RELN: variants seen among roughly 807,000 people sequenced by gnomAD.
RELN encodes the protein reelin.
A neutral mutation model predicts 427.6 loss-of-function variants in RELN; 108 were observed. That is an observed-to-expected ratio of 0.25 (90% CI 0.22 to 0.30). RELN has a LOEUF of 0.30. Among genes scored for constraint, RELN ranks in the 10% least tolerant of loss-of-function variants. RELN has a pLI of 1.00. For synonymous variants in RELN, 1,524 were observed against 1,513.4 expected (o/e 1.01, Z -0.16); for missense variants, 3,715 against 4,302.8 (o/e 0.86, Z 3.82).
At chr7:103,629,526 T>G (rs563000838) in intron 20 of RELN, among the ~76,000 whole-genome samples, 1 of 152,316 alleles carries the variant, frequency 6.6e-6, no homozygotes, top group East Asian at 1.9e-4. Flanking sequence ...ATGATAAATT[T>G]TATTAAAATA....
At chr7:103,870,019 A>G (rs1794291959) in intron 2 of RELN, among the ~76,000 whole-genome samples, 1 of 152,090 alleles carries the variant, frequency 6.6e-6, no homozygotes, top group African/African-American at 2.4e-5. Flanking sequence ...ATGTGCTTTT[A>G]AGATCATCCA....
intron 1 of RELN, among the ~76,000 whole-genome samples, chr7:103,954,343 A>T (rs1484504537): frequency 6.6e-6 from 1 of 152,206 alleles, no homozygotes; most frequent in African/African-American, 2.4e-5. Context: ...TACAGTTGCC[A>T]AGTATGCTAT....
intron 2 of RELN, among the ~76,000 whole-genome samples, chr7:103,894,507 A>G (rs1244939538): frequency 6.6e-6 from 1 of 152,172 alleles, no homozygotes; most frequent in Non-Finnish European, 1.5e-5. Flanking sequence ...GCTATTTTTT[A>G]CTAAAACTGT....
intron 57 of RELN, 37 bp downstream of exon 57, chr7:103,495,686 A>G (rs753646888): frequency 8.1e-6 from 13 of 1,603,718 alleles, no homozygotes; most frequent in Admixed American, 5.0e-5. Context: ...CCCAAATGCA[A>G]TGCTACTTTC....
intron 2 of RELN, among the ~76,000 whole-genome samples, chr7:103,877,436 C>T (rs1005163266): frequency 1.3e-5 from 2 of 152,144 alleles, no homozygotes; most frequent in African/African-American, 2.4e-5. Flanking sequence ...TCTCCTTCAA[C>T]TCCAGCTTCC....
chr7:103,506,755 C>A (rs1167100923), intron 51 of RELN, among the ~76,000 whole-genome samples: 1 of 152,148 alleles, frequency 6.6e-6, no homozygotes, highest in Admixed American at 6.5e-5. Context: ...AATTAAAAGA[C>A]ACAGACTAGC....
chr7:103,513,622 A>G (rs1248450498), intron 50 of RELN: 1 of 152,136 alleles, frequency 6.6e-6, no homozygotes, highest in Non-Finnish European at 1.5e-5. Flanking sequence ...CAAAGTAAAT[A>G]TTTGCTGTTA....
At chr7:103,956,970 A>G (rs1360006371) in intron 1 of RELN, among the ~76,000 whole-genome samples, 4 of 152,174 alleles carry the variant, frequency 2.6e-5, no homozygotes, top group Non-Finnish European at 4.4e-5. Flanking sequence ...AACACTTCAT[A>G]TATGGAACTG....
intron 10 of RELN, among the ~76,000 whole-genome samples, chr7:103,693,452 T>C (rs948232624): frequency 6.6e-6 from 1 of 151,724 alleles, no homozygotes; most frequent in African/African-American, 2.4e-5. Flanking sequence ...CCATGGCACA[T>C]GTATACTTAT....
At chr7:103,787,716 CA>C (rs1462952836) in intron 3 of RELN, among the ~76,000 whole-genome samples, 1 of 152,138 alleles carries the variant, frequency 6.6e-6, no homozygotes, top group African/African-American at 2.4e-5. Context: ...AAAAGAAGTC[CA>C]AGACCAGATG....
intron 48 of RELN, 128 bp downstream of exon 48, chr7:103,521,894 A>G (rs1375415035): frequency 2.2e-6 from 2 of 891,486 alleles, no homozygotes; most frequent in East Asian, 2.5e-5. Flanking sequence ...GCAAGTTCAG[A>G]TCAGGGTTGT....
intron 2 of RELN, among the ~76,000 whole-genome samples, chr7:103,915,265 C>G (rs1000821694): frequency 6.6e-6 from 1 of 152,130 alleles, no homozygotes; most frequent in Non-Finnish European, 1.5e-5. Context: ...CTCAGGAACA[C>G]CTTTCCAAAT....
chr7:103,706,937 T>C lies in RELN; in HGVS notation c.806-5931A>G, dbSNP rs6967062. On this transcript the variant is annotated intron_variant, in intron 8 of 64. Transcript: ENST00000428762. ...TCCCTGACCATTCCTCTCCTTTCTC[T>C]GCCCTCATAGCCTGTCACCCAAACC... 5.0e-3 allele frequency among the ~76,000 whole-genome samples: 758 copies of C among 152,348 alleles called. 4 individuals carry two copies. The highest frequency in any genetic ancestry group is 0.01 in the Middle Eastern group (3 of 294).
At chr7:103,720,675 A>C (rs772520086) in intron 8 of RELN, among the ~76,000 whole-genome samples, 4 of 152,134 alleles carry the variant, frequency 2.6e-5, no homozygotes, top group Non-Finnish European at 5.9e-5. Flanking sequence ...TAAAATGGCT[A>C]TTATGGCTGC....
At chr7:103,768,953 C>T (rs1213407851) in intron 4 of RELN, among the ~76,000 whole-genome samples, 1 of 152,134 alleles carries the variant, frequency 6.6e-6, no homozygotes, top group Non-Finnish European at 1.5e-5. Flanking sequence ...CTTTACAATA[C>T]AAATAATGTA....
intron 3 of RELN, among the ~76,000 whole-genome samples, chr7:103,780,582 T>C (rs1290381285): frequency 6.6e-6 from 1 of 152,112 alleles, no homozygotes; most frequent in Non-Finnish European, 1.5e-5. Flanking sequence ...CTCCAGTGTG[T>C]GTTGTTCCTC....
At chr7:103,651,588 C>T (rs2117388837) in intron 15 of RELN, 73 bp downstream of exon 15, 1 of 1,474,130 alleles carries the variant, frequency 6.8e-7, no homozygotes, top group South Asian at 1.1e-5. Flanking sequence ...ATGCTAATTT[C>T]AGGATAACTC....
intron 8 of RELN, among the ~76,000 whole-genome samples, chr7:103,712,542 T>A (rs1789831848): frequency 6.6e-6 from 1 of 152,228 alleles, no homozygotes; most frequent in African/African-American, 2.4e-5. Flanking sequence ...ATGGTGCATA[T>A]GCCATGCCTA....
chr7:103,899,665 G>A (rs186827186), intron 2 of RELN, among the ~76,000 whole-genome samples: 32 of 152,088 alleles, frequency 2.1e-4, no homozygotes, highest in African/African-American at 5.5e-4. Context: ...ATTAATAAAC[G>A]TAATCCATCA....
Sources: allele counts gnomAD v4.1 joint callset (sites outside exome capture counted in the v4.1 genomes callset), GRCh38; gene constraint gnomAD v4.1.1; transcripts MANE v1.5; gene names NCBI Gene and HGNC (gene_info 2026-07-23, HGNC 2026-07-21).